PRKAA2: variants seen among roughly 807,000 people sequenced by gnomAD.
PRKAA2 encodes the protein protein kinase AMP-activated catalytic subunit alpha 2, also known as 5'-AMP-activated protein kinase catalytic subunit alpha-2.
In PRKAA2, 40 loss-of-function variants were observed where a neutral mutation model predicts 56.3. That is an observed-to-expected ratio of 0.71 (90% CI 0.55 to 0.92). The LOEUF (loss-of-function observed/expected upper bound fraction) is 0.92, where lower values mean the gene tolerates loss of function less well. Among genes scored for constraint, PRKAA2 ranks in the 40% least tolerant of loss-of-function variants. The pLI is 0.00. For synonymous variants in PRKAA2, 214 were observed against 234.2 expected (o/e 0.91, Z 0.79); for missense variants, 542 against 686.9 (o/e 0.79, Z 2.36).
chr1:56,688,872 G>A (rs1348954651), intron 2 of PRKAA2, among the ~76,000 whole-genome samples: 1 of 152,148 alleles, frequency 6.6e-6, no homozygotes, highest in Non-Finnish European at 1.5e-5. Flanking sequence ...TGATCTCACC[G>A]AGTACAATAC....
chr1:56,666,812 A>G (rs918603327), intron 1 of PRKAA2, among the ~76,000 whole-genome samples: 1 of 152,188 alleles, frequency 6.6e-6, no homozygotes, highest in Non-Finnish European at 1.5e-5. Context: ...GAAGTCCTTT[A>G]ATATTCAACC....
Position 56,708,752 on chromosome 1 carries a change from G to A in PRKAA2, c.*1039G>A, listed in dbSNP as rs1042977878. On this transcript the variant is annotated 3_prime_UTR_variant, in exon 9 of 9. Transcript: ENST00000371244. ...ATTGTTTGATCCTGAGTGGTTGATTGATATAGCTTTGAATCTTTTCTAGTC... is the reference window on the plus strand; with the variant it reads ...ATTGTTTGATCCTGAGTGGTTGATTAATATAGCTTTGAATCTTTTCTAGTC... The A allele has an allele frequency of 6.6e-6, 1 of 152,158 alleles. No homozygotes were observed. The highest frequency in any genetic ancestry group is 2.4e-5 in the African/African-American group (1 of 41,440). 9.4% of individuals were successfully genotyped at this position (152,158 alleles called of 1,614,324 possible).
intron 1 of PRKAA2, among the ~76,000 whole-genome samples, chr1:56,664,891 C>CACAT (rs774937805): frequency 1.5e-3 from 167 of 114,164 alleles, no homozygotes; most frequent in South Asian, 0.011. Context: ...CACACACACA[C>CACAT]ATATATACAT....
rs768265613 is a variant in PRKAA2, at chr1:56,707,618, GGAA to G, written c.1566_1568del (p.Ser523del). 2 of 1,613,960 alleles carry G rather than the reference GGAA, an allele frequency of 1.2e-6. No homozygotes were observed. Among genetic ancestry groups the G allele is most frequent in the African/African-American group, 2.7e-5 (2 of 75,000 alleles). On this transcript the variant is annotated inframe_deletion, in exon 9 of 9. Coordinates refer to ENST00000371244, the MANE Select transcript of PRKAA2 (RefSeq NM_006252.4). Reference sequence around the variant, plus strand: ...TGGCTCTCTCACTGGCTCTTTGACCGGAAGCACATTGTCTTCAGTTTCACCTCG... The same window carrying G: ...TGGCTCTCTCACTGGCTCTTTGACCGGCACATTGTCTTCAGTTTCACCTCG...
At chr1:56,655,308 G>T (rs1319327113) in intron 1 of PRKAA2, among the ~76,000 whole-genome samples, 1 of 101,550 alleles carries the variant, frequency 9.8e-6, no homozygotes, top group African/African-American at 4.7e-5. Flanking sequence ...TAGAGACAGG[G>T]TCTCACTGTA....
At chr1:56,692,961 C>A (rs71639732) in intron 4 of PRKAA2, among the ~76,000 whole-genome samples, 2,567 of 152,010 alleles carry the variant, frequency 0.017, 32 homozygotes, top group Non-Finnish European at 0.026. Flanking sequence ...TTAGGTGTAA[C>A]GTCTAATAAC....
At chr1:56,656,346 G>T (rs962010185) in intron 1 of PRKAA2, among the ~76,000 whole-genome samples, 1 of 152,046 alleles carries the variant, frequency 6.6e-6, no homozygotes, top group African/African-American at 2.4e-5. Flanking sequence ...GTAACCCCAG[G>T]TTTACCTTCT....
rs147816401 is a variant in PRKAA2, at chr1:56,713,335, T to C, written c.*5622T>C. On this transcript the variant is annotated 3_prime_UTR_variant, in exon 9 of 9. Transcript: ENST00000371244. ...TATTAATTTTGCAAGCTAATGTTAA[T>C]GTTTACTGCCAGCCTTGCATAGCAA... is the stretch of plus-strand genomic sequence containing the variant. 6.6e-6 allele frequency: 1 copy of C among 152,322 alleles called. No homozygotes were observed. Among genetic ancestry groups the C allele is most frequent in the East Asian group, 1.9e-4 (1 of 5,184 alleles). The allele number at this position is 152,322 out of a possible 1,614,324, so 9.4% of individuals were successfully genotyped here.
rs757872882 is a variant in PRKAA2 at position 56,706,236 on chromosome 1, G to C, written c.1420+18G>C. On this transcript the variant is annotated intron_variant, in intron 8 of 8. Coordinates refer to ENST00000371244, the MANE Select transcript of PRKAA2 (RefSeq NM_006252.4). ...CATTGATGGTAAGGAAGCTATGCAT[G>C]CATGAGCTCTGAGAAGATAAAACTT... 1.9e-5 allele frequency: 30 copies of C among 1,608,774 alleles called. No homozygotes were observed. Among genetic ancestry groups the C allele is most frequent in the Non-Finnish European group, 2.5e-5 (29 of 1,178,488 alleles).
Position 56,692,459 on chromosome 1 carries a change from T to C in PRKAA2, c.432T>C (p.Asn144=). The part of the protein sequence containing the change: ...MVVHRDLKPE[N]VLLDAHMNAK... The stretch of plus-strand genomic sequence containing the variant: ...TTCATCGAGACCTGAAACCAGAGAA[T>C]GTCCTGTTGGATGCACACATGAATG... Residue 144 remains asparagine (N), a synonymous_variant, in exon 4 of 9, where the codon AAT becomes AAC. Transcript: ENST00000371244. 6.2e-7 allele frequency: 1 copy of C among 1,614,134 alleles called. No individual in the cohort carries two copies. The highest frequency in any genetic ancestry group is 8.5e-7 in the Non-Finnish European group (1 of 1,179,996).
chr1:56,694,220 A>C (rs903220057), intron 5 of PRKAA2, among the ~76,000 whole-genome samples: 4 of 152,294 alleles, frequency 2.6e-5, no homozygotes, highest in Non-Finnish European at 5.9e-5. Flanking sequence ...CAAAGTATAT[A>C]GAGCATTGTT....
intron 1 of PRKAA2, among the ~76,000 whole-genome samples, chr1:56,668,666 A>G (rs532679405): frequency 2.0e-5 from 3 of 152,130 alleles, no homozygotes; most frequent in South Asian, 4.1e-4. Flanking sequence ...ATAATATCCT[A>G]AACTATATAA....
intron 6 of PRKAA2, among the ~76,000 whole-genome samples, chr1:56,702,865 A>G (rs916814713): frequency 3.3e-5 from 5 of 152,194 alleles, no homozygotes; most frequent in East Asian, 1.9e-4. Context: ...ATTTGTAACT[A>G]TATTTTATGT....
intron 2 of PRKAA2, among the ~76,000 whole-genome samples, chr1:56,678,841 A>T (rs1569753612): frequency 6.6e-6 from 1 of 151,998 alleles, no homozygotes; most frequent in Non-Finnish European, 1.5e-5. Context: ...GACTACAGGC[A>T]CACACCACCA....
At chr1:56,652,353 C>T (rs1040322473) in intron 1 of PRKAA2, among the ~76,000 whole-genome samples, 1 of 151,908 alleles carries the variant, frequency 6.6e-6, no homozygotes, top group African/African-American at 2.4e-5. Context: ...GACAGGGTTT[C>T]ACCGTGTTAG....
rs149878186 is a variant in PRKAA2 at position 56,694,161 on chromosome 1, G to A, written c.563+309G>A. ...AAGAATTTGCTAAATTTAAGCTAGT[G>A]TCATTTATTTATTAGATATAGTTCT... On this transcript the variant is annotated intron_variant, in intron 5 of 8. Transcript: ENST00000371244. Among the ~76,000 whole-genome samples, 67 of 152,188 alleles carry A rather than the reference G, an allele frequency of 4.4e-4. No homozygotes were observed. The East Asian group carries it at 0.011, about 25-fold the overall frequency.
In PRKAA2 at chr1:56,711,868, T is replaced by A. The variant is rs1644370593; in HGVS notation, c.*4155T>A. ...TTTTTATATATTTAGAGTTTTTATA[T>A]GAGTGTGAATGTTTCTGTTTTGATT... On this transcript the variant is annotated 3_prime_UTR_variant, in exon 9 of 9. Coordinates refer to ENST00000371244, the MANE Select transcript of PRKAA2 (RefSeq NM_006252.4). 6.6e-6 allele frequency: 1 copy of A among 152,182 alleles called. No individual in the cohort carries two copies. The highest frequency in any genetic ancestry group is 1.5e-5 in the Non-Finnish European group (1 of 68,018). The allele number at this position is 152,182 out of a possible 1,614,324, so 9.4% of individuals were successfully genotyped here. A position where few individuals can be genotyped will look rare whatever the true frequency, so the allele number is the denominator to read the frequency against.
chr1:56,658,149 T>G (rs1643960416), intron 1 of PRKAA2, among the ~76,000 whole-genome samples: 1 of 152,168 alleles, frequency 6.6e-6, no homozygotes, highest in Non-Finnish European at 1.5e-5. Context: ...AAATGAAACC[T>G]GAGGACTCTA....
chr1:56,681,311 A>G (rs370505953), intron 2 of PRKAA2, among the ~76,000 whole-genome samples: 181 of 152,116 alleles, frequency 1.2e-3, no homozygotes, highest in Non-Finnish European at 2.1e-3. Flanking sequence ...TAGGTTGCCT[A>G]TTCACTCTGA....
Sources: gnomAD v4.1 joint callset for allele counts (sites outside exome capture counted in the v4.1 genomes callset) on GRCh38, gnomAD v4.1.1 for gene constraint, MANE v1.5 for transcripts, NCBI Gene and HGNC (gene_info 2026-07-23, HGNC 2026-07-21) for gene names.